The following COQ8B variants were observed in gnomAD, a reference collection of about 807,000 sequenced individuals.
COQ8B encodes coenzyme Q8B, also known as atypical kinase COQ8B, mitochondrial.
A neutral mutation model predicts 62.0 loss-of-function variants in COQ8B; 44 were observed. The observed-to-expected ratio is 0.71, with a 90% CI of 0.56 to 0.91. The LOEUF (loss-of-function observed/expected upper bound fraction) is 0.91. Ranked by LOEUF, COQ8B falls within the 40% of genes least tolerant of loss-of-function variation. COQ8B has a pLI of 0.00. For synonymous variants in COQ8B, 252 were observed against 289.9 expected (o/e 0.87, Z 1.33); for missense variants, 649 against 731.6 (o/e 0.89, Z 1.30).
intron 4 of COQ8B, among the ~76,000 whole-genome samples, chr19:40,710,457 C>T (rs1054034617): frequency 3.3e-5 from 5 of 152,198 alleles, no homozygotes; most frequent in Non-Finnish European, 2.9e-5. Context: ...ACCGTGTTGG[C>T]CAGGCTGGTC....
At chr19:40,705,011 G>T in intron 7 of COQ8B, 85 bp downstream of exon 7, 1 of 1,268,952 alleles carries the variant, frequency 7.9e-7, no homozygotes. Flanking sequence ...GAGGCAGGGA[G>T]TGGGGCAGTG....
intron 14 of COQ8B, 88 bp downstream of exon 14, chr19:40,692,863 C>G (rs2081984577): frequency 1.7e-6 from 2 of 1,166,524 alleles, no homozygotes; most frequent in Non-Finnish European, 2.5e-6. Context: ...GCCCCATCAC[C>G]TACTCGAGTT....
At chr19:40,701,966 G>A (rs1345643427) in intron 10 of COQ8B, among the ~76,000 whole-genome samples, 2 of 152,162 alleles carry the variant, frequency 1.3e-5, no homozygotes, top group Non-Finnish European at 2.9e-5. Context: ...TCACTGCTAC[G>A]TAATATTCCA....
rs1197224740 is a variant in COQ8B, at chr19:40,692,349, C to T, written c.1321G>A (p.Ala441Thr). 1 of 1,613,444 alleles carries T rather than the reference C, an allele frequency of 6.2e-7. No individual in the cohort carries two copies. Among genetic ancestry groups the T allele is most frequent in the Non-Finnish European group, 8.5e-7 (1 of 1,179,848 alleles). Residue 441 changes from alanine to threonine, a missense_variant, in exon 15 of 15, where the codon GCA (alanine) becomes ACA (threonine). Physicochemically the swap from Ala to Thr is moderately conservative, Grantham distance 58 (BLOSUM62 0). Coordinates refer to ENST00000324464, the MANE Select transcript of COQ8B (RefSeq NM_024876.4). ...TKAFSDAHVE[A>T]VMILGEPFAT... ...AAAGGCTCCCCCAGGATCATCACTG[C>T]CTCCACGTGGGCGTCGGAGAATGCC...
intron 13 of COQ8B, among the ~76,000 whole-genome samples, chr19:40,694,421 A>G (rs2081997876): frequency 6.6e-6 from 1 of 152,240 alleles, no homozygotes. Flanking sequence ...TACGAGCTGT[A>G]GAGCGCAGCC....
At position 40,708,083 on chromosome 19, in the gene COQ8B, G is replaced by A. The variant is rs138887824; in HGVS notation, c.367+1976C>T. On this transcript the variant is annotated intron_variant, in intron 5 of 14. Coordinates refer to ENST00000324464, the MANE Select transcript of COQ8B (RefSeq NM_024876.4). Reference sequence around the variant, plus strand: ...TAATATGAACACTTTATGAATTTATGTGTCATCTTTGCACAGAGGCCGTGC... The same window carrying A: ...TAATATGAACACTTTATGAATTTATATGTCATCTTTGCACAGAGGCCGTGC... 119 of 152,216 alleles carry A rather than the reference G, an allele frequency of 7.8e-4. No individual in the cohort carries two copies. In the East Asian group the frequency reaches 0.019, roughly 24 times the overall value. 9.4% of individuals were successfully genotyped at this position (152,216 alleles called of 1,614,324 possible).
chr19:40,705,014 G>T, intron 7 of COQ8B, 82 bp downstream of exon 7: 2 of 1,302,676 alleles, frequency 1.5e-6, no homozygotes, highest in Non-Finnish European at 1.1e-6. Context: ...GCAGGGAGTG[G>T]GGCAGTGAAG....
rs2081973912 is a variant in COQ8B at position 40,691,783 on chromosome 19, C to T, written c.*252G>A. 2.5e-6 allele frequency: 1 copy of T among 399,314 alleles called. No homozygotes were observed. The highest frequency in any genetic ancestry group is 4.5e-6 in the Non-Finnish European group (1 of 223,628). The allele number at this position is 399,314 out of a possible 1,614,324, so 24.7% of individuals were successfully genotyped here. ...GGCCCAAGGCTCCCTCAAATGTTGG[C>T]AAAGATAAGTTAACCGCTTCCCTGG... On this transcript the variant is annotated 3_prime_UTR_variant, in exon 15 of 15. Coordinates refer to ENST00000324464, the MANE Select transcript of COQ8B (RefSeq NM_024876.4).
intron 1 of COQ8B, chr19:40,714,970 C>G (rs1186182576): frequency 9.4e-7 from 1 of 1,058,558 alleles, no homozygotes; most frequent in East Asian, 7.9e-5. Context: ...CTCTGTTGGC[C>G]CTGTAGGCAC....
intron 12 of COQ8B, among the ~76,000 whole-genome samples, chr19:40,696,722 T>G (rs1435690388): frequency 2.0e-5 from 3 of 151,958 alleles, no homozygotes; most frequent in Non-Finnish European, 4.4e-5. Context: ...CCCGCCCTGA[T>G]CACACCTCCC....
At chr19:40,714,443 C>T in intron 2 of COQ8B, 46 bp from the exon 3 acceptor site, 1 of 1,612,762 alleles carries the variant, frequency 6.2e-7, no homozygotes, top group Non-Finnish European at 8.5e-7. Context: ...ATGGGATCAC[C>T]TGGCCCTTCT....
chr19:40,700,253 G>A (rs548120543), intron 11 of COQ8B, 57 bp downstream of exon 11: 1 of 1,611,186 alleles, frequency 6.2e-7, no homozygotes, highest in East Asian at 2.2e-5. Context: ...GAGACCATGA[G>A]CCTGGCCCAC....
rs539108283 is a variant in COQ8B at position 40,710,070 on chromosome 19, C to A, written c.356G>T (p.Arg119Leu). ...EMAKKSMPGG[R>L]LQSEGGSGLD... ...TGTGGCTCACTCACCTGACTGCAGA[C>A]GACCTCCTGGCATGGACTTCTTAGC... is the stretch of plus-strand genomic sequence containing the variant. Residue 119 changes from arginine (R) to leucine (L), a missense_variant, in exon 5 of 15, where the codon CGT becomes CTT. Physicochemically the swap from Arg to Leu is moderately radical, Grantham distance 102 (BLOSUM62 -2). Transcript: ENST00000324464. 5 of 1,613,838 alleles carry A rather than the reference C, an allele frequency of 3.1e-6. No individual in the cohort carries two copies. Among genetic ancestry groups the A allele is most frequent in the Non-Finnish European group, 4.2e-6 (5 of 1,179,808 alleles).
At position 40,705,323 on chromosome 19, in the gene COQ8B, A is replaced by G. The variant is rs2082092444; in HGVS notation, c.490+2T>C. ...GGTCAGGAGTCGAGGGTCATGCTGT[A>G]CCCTGGATGCTGAGCATCTGGCCAA... On this transcript the variant is annotated splice_donor_variant, in intron 6 of 14. Coordinates refer to ENST00000324464, the MANE Select transcript of COQ8B (RefSeq NM_024876.4). LOFTEE classifies it high-confidence loss of function. The G allele has an allele frequency of 6.3e-7, 1 of 1,590,606 alleles. No homozygotes were observed. The highest frequency in any genetic ancestry group is 8.6e-7 in the Non-Finnish European group (1 of 1,163,254).
intron 5 of COQ8B, among the ~76,000 whole-genome samples, chr19:40,709,072 CACTT>C (rs1362514619): frequency 2.6e-5 from 4 of 152,220 alleles, no homozygotes; most frequent in Non-Finnish European, 4.4e-5. Context: ...TGTACCCACA[CACTT>C]ACTATTATTA....
At chr19:40,704,872 C>G (rs1444033825) in intron 7 of COQ8B, 7 of 515,216 alleles carry the variant, frequency 1.4e-5, no homozygotes, top group Non-Finnish European at 2.1e-5. Context: ...TCACTATCGC[C>G]ATTTCCCAGG....
At chr19:40,699,366 A>T (rs1038040523) in intron 12 of COQ8B, among the ~76,000 whole-genome samples, 4 of 146,908 alleles carry the variant, frequency 2.7e-5, no homozygotes, top group African/African-American at 5.0e-5. Context: ...GCCTCCCCCA[A>T]CTCCAGCCCC....
At chr19:40,694,948 C>A (rs2082002594) in intron 13 of COQ8B, among the ~76,000 whole-genome samples, 1 of 152,162 alleles carries the variant, frequency 6.6e-6, no homozygotes. Context: ...TGAGGAGGGG[C>A]CTAGGCTGGG....
At chr19:40,697,680 C>G (rs1440225765) in intron 12 of COQ8B, among the ~76,000 whole-genome samples, 2 of 151,356 alleles carry the variant, frequency 1.3e-5, no homozygotes, top group East Asian at 3.9e-4. Flanking sequence ...CCTGTAGTCC[C>G]AGCTAGTTGG....
Sources: gnomAD v4.1 joint callset for allele counts (sites outside exome capture counted in the v4.1 genomes callset) on GRCh38, gnomAD v4.1.1 for gene constraint, MANE v1.5 for transcripts, NCBI Gene and HGNC (gene_info 2026-07-23, HGNC 2026-07-21) for gene names.